ADAMTS9: variants seen among roughly 807,000 people sequenced by gnomAD.
The protein encoded by ADAMTS9 is ADAM metallopeptidase with thrombospondin type 1 motif 9, also known as A disintegrin and metalloproteinase with thrombospondin motifs 9.
Under a neutral mutation model 257.1 loss-of-function variants are expected in ADAMTS9, and 107 were observed. The ratio of observed to expected loss-of-function variants is 0.42; its 90% CI spans 0.36 to 0.49. The LOEUF is 0.49. ADAMTS9 is among the 20% of genes least tolerant of loss of function. ADAMTS9 has a pLI of 0.03. For missense variants in ADAMTS9, 2,353 were observed against 2,469.1 expected (o/e 0.95, Z 1.00); for synonymous variants, 982 against 880.9 (o/e 1.11, Z -2.03).
chr3:64,609,998 C>CAAGA lies in ADAMTS9; in HGVS notation c.3355-2923_3355-2920dup, dbSNP rs569267226. Among the ~76,000 whole-genome samples, 469 of 152,194 alleles carry CAAGA rather than the reference C, an allele frequency of 3.1e-3. 2 individuals are homozygous for CAAGA. The highest frequency in any genetic ancestry group is 0.019 in the South Asian group (89 of 4,810). Reference sequence around the variant, plus strand: ...GACAAGTGACTTTCAACAAGAGTGCCAAGACCACTCAATGGAGAGAGAACA... The same window carrying CAAGA: ...GACAAGTGACTTTCAACAAGAGTGCCAAGAAAGACCACTCAATGGAGAGAGAACA... On this transcript the variant is annotated intron_variant, in intron 22 of 39. Coordinates refer to ENST00000498707, the MANE Select transcript of ADAMTS9 (RefSeq NM_182920.2).
chr3:64,594,352 C>T lies in ADAMTS9; in HGVS notation c.4262G>A (p.Ser1421Asn). ...GGGAGGTTTATCAAGAATTTCACAG[C>T]TCAAATCTGGAAACCGTTCACCGTT... ...RSNGERFPDL[S>N]CEILDKPPDR... is the part of the protein sequence containing the mutation. The change falls in exon 28 of 40, where the codon AGC becomes AAC. Residue 1421 changes from serine (S) to asparagine (N), a missense_variant. By Grantham distance (46) the Ser-to-Asn change is conservative (BLOSUM62 1). Transcript: ENST00000498707. 1 of 1,614,050 alleles carries T rather than the reference C, an allele frequency of 6.2e-7. No homozygotes were observed. Among genetic ancestry groups the T allele is most frequent in the Non-Finnish European group, 8.5e-7 (1 of 1,179,964 alleles).
chr3:64,521,442 T>A (rs2082850154), intron 39 of ADAMTS9: 1 of 152,200 alleles, frequency 6.6e-6, no homozygotes, highest in Admixed American at 6.6e-5. Context: ...CATTACTGGG[T>A]ATATATCAAA....
intron 4 of ADAMTS9, among the ~76,000 whole-genome samples, chr3:64,656,530 A>C (rs1251945093): frequency 6.6e-6 from 1 of 152,194 alleles, no homozygotes; most frequent in Non-Finnish European, 1.5e-5. Flanking sequence ...CACTCAGAGA[A>C]ATTAAGTCAC....
At chr3:64,534,209 G>C (rs2083018071) in intron 37 of ADAMTS9, among the ~76,000 whole-genome samples, 1 of 152,120 alleles carries the variant, frequency 6.6e-6, no homozygotes. Context: ...TCAGACCCGC[G>C]TGTAAGAAAA....
At chr3:64,675,967 G>A (rs1701615714) in intron 3 of ADAMTS9, among the ~76,000 whole-genome samples, 1 of 152,108 alleles carries the variant, frequency 6.6e-6, no homozygotes, top group African/African-American at 2.4e-5. Context: ...CTGCAGCCTG[G>A]AAATCCCAAT....
At chr3:64,562,250 T>C (rs961736408) in intron 29 of ADAMTS9, among the ~76,000 whole-genome samples, 3 of 152,190 alleles carry the variant, frequency 2.0e-5, no homozygotes, top group African/African-American at 7.2e-5. Context: ...TCCAGTCTCT[T>C]CCTTTTCTTG....
At chr3:64,561,532 G>A (rs780411856) in intron 30 of ADAMTS9, 46 bp downstream of exon 30, 8 of 1,573,424 alleles carry the variant, frequency 5.1e-6, no homozygotes, top group African/African-American at 2.7e-5. Flanking sequence ...AGCAAGGGGC[G>A]CACACGTGAA....
intron 28 of ADAMTS9, among the ~76,000 whole-genome samples, chr3:64,585,419 A>G (rs377434632): frequency 2.6e-5 from 4 of 152,290 alleles, no homozygotes; most frequent in Admixed American, 6.5e-5. Context: ...TGACTGTCTT[A>G]CCAATGGGAA....
At chr3:64,568,760 G>A (rs929208011) in intron 28 of ADAMTS9, 15 of 477,486 alleles carry the variant, frequency 3.1e-5, no homozygotes, top group Non-Finnish European at 4.7e-5. Context: ...TGGCATTTTT[G>A]GCTCACTCAA....
chr3:64,606,374 C>G (rs1220517009), intron 23 of ADAMTS9, among the ~76,000 whole-genome samples: 2 of 152,160 alleles, frequency 1.3e-5, no homozygotes, highest in Non-Finnish European at 2.9e-5. Context: ...AACTTGATGT[C>G]AATGAACACA....
At chr3:64,616,907 T>C (rs530103174) in intron 19 of ADAMTS9, among the ~76,000 whole-genome samples, 26 of 152,182 alleles carry the variant, frequency 1.7e-4, no homozygotes, top group Non-Finnish European at 2.9e-4. Flanking sequence ...GTTACCAATG[T>C]CCTGAGACTA....
At chr3:64,537,408 T>G (rs1370667524) in intron 37 of ADAMTS9, among the ~76,000 whole-genome samples, 4 of 152,348 alleles carry the variant, frequency 2.6e-5, no homozygotes, top group Admixed American at 1.3e-4. Flanking sequence ...ATGGGGTTTT[T>G]GAAGCCATCA....
chr3:64,615,982 C>T lies in ADAMTS9; in HGVS notation c.3002G>A (p.Trp1001Ter). ...KCSGECNTGG[W>*]RYSAWTECSK... Reference sequence around the variant, plus strand: ...TACTTCAGTCCAGGCAGAATAGCGCCAGCCACCCGTGTTACATTCCCCTGA... The same window carrying T: ...TACTTCAGTCCAGGCAGAATAGCGCTAGCCACCCGTGTTACATTCCCCTGA... The change falls in exon 20 of 40, where the codon TGG (tryptophan) becomes TAG (stop). Residue 1001 changes from tryptophan to a stop codon, truncating the protein, a stop_gained. Transcript: ENST00000498707. LOFTEE classifies it high-confidence loss of function. 1 of 1,613,434 alleles carries T rather than the reference C, an allele frequency of 6.2e-7. No individual in the cohort carries two copies. Among genetic ancestry groups the T allele is most frequent in the Non-Finnish European group, 8.5e-7 (1 of 1,179,960 alleles).
intron 8 of ADAMTS9, among the ~76,000 whole-genome samples, chr3:64,651,915 G>A (rs147075374): frequency 6.1e-4 from 93 of 152,272 alleles, no homozygotes; most frequent in Middle Eastern, 3.4e-3. Context: ...GATTGCCAAC[G>A]TCCTTATGGG....
intron 38 of ADAMTS9, 136 bp from the exon 39 acceptor site, chr3:64,522,396 A>G (rs2082864842): frequency 2.8e-6 from 2 of 707,510 alleles, no homozygotes; most frequent in East Asian, 5.7e-5. Flanking sequence ...CATACTCACC[A>G]TGGTCTAAAG....
chr3:64,528,550 C>T lies in ADAMTS9; in HGVS notation c.5718+4616G>A, dbSNP rs78255061. Among the ~76,000 whole-genome samples the T allele has an allele frequency of 5.9e-4, 90 of 152,216 alleles. 2 individuals are homozygous for T. In the East Asian group the frequency reaches 0.015, roughly 25 times the overall value. ...ACCCCCAACCAAGGGGTGTCTCACA[C>T]GACTTATTCCTGGGGTCAGGTGGCA... On this transcript the variant is annotated intron_variant, in intron 38 of 39. Transcript: ENST00000498707.
chr3:64,547,236 G>T (rs184151473), intron 31 of ADAMTS9, among the ~76,000 whole-genome samples: 7 of 152,292 alleles, frequency 4.6e-5, no homozygotes, highest in African/African-American at 1.7e-4. Context: ...GGGAGGAGGA[G>T]GGGGAGGTGC....
intron 16 of ADAMTS9, among the ~76,000 whole-genome samples, chr3:64,625,069 C>T (rs1398000550): frequency 2.0e-5 from 3 of 152,076 alleles, no homozygotes; most frequent in Non-Finnish European, 4.4e-5. Context: ...TGAGGATGCC[C>T]TTGAAAGATA....
intron 32 of ADAMTS9, among the ~76,000 whole-genome samples, chr3:64,542,241 A>ATG (rs1553701063): frequency 6.6e-6 from 1 of 151,680 alleles, no homozygotes; most frequent in Non-Finnish European, 1.5e-5. Flanking sequence ...ACACACACAC[A>ATG]TAATTTTTTC....
Sources: allele counts gnomAD v4.1 joint callset (sites outside exome capture counted in the v4.1 genomes callset), GRCh38; gene constraint gnomAD v4.1.1; transcripts MANE v1.5; gene names NCBI Gene and HGNC (gene_info 2026-07-23, HGNC 2026-07-21).